Variants in MESP1 observed in about 807,000 individuals in gnomAD.
MESP1 encodes mesoderm posterior bHLH transcription factor 1.
Under a neutral mutation model 15.2 loss-of-function variants are expected in MESP1, and 22 were observed. That is an observed-to-expected ratio of 1.45 (90% CI 1.04 to 2.07). The LOEUF is 2.07. MESP1 is among the 30% of genes most tolerant of loss of function. The pLI is 0.00. For missense variants in MESP1, 484 were observed against 411.9 expected, an observed-to-expected ratio of 1.17 and a Z score of -1.51; for synonymous variants, 216 against 192.6, an observed-to-expected ratio of 1.12 and a Z score of -1.01.
chr15:89,735,348 CT>C, the MESP1 span: 1 of 700,698 alleles, frequency 1.4e-6, no homozygotes, highest in Non-Finnish European at 2.4e-6. Flanking sequence ...TTGGATTGTT[CT>C]TAATTTTTTG....
At chr15:89,737,579 A>T in the MESP1 span, 3 of 1,614,080 alleles carry the variant, frequency 1.9e-6, no homozygotes, top group African/African-American at 4.0e-5. Flanking sequence ...CCAGGTGCTC[A>T]TCTTTTCCAA....
Position 89,749,894 on chromosome 15 carries a change from T to G in MESP1, c.*250A>C. 1.9e-6 allele frequency: 1 copy of G among 514,942 alleles called. No homozygotes were observed. The highest frequency in any genetic ancestry group is 3.5e-6 in the Non-Finnish European group (1 of 283,130). The allele number at this position is 514,942 out of a possible 1,614,324, so 31.9% of individuals were successfully genotyped here. A position where few individuals can be genotyped will look rare whatever the true frequency, so the allele number is the denominator to read the frequency against. ...GCCAACTGACACCAGTACAGTTTAT[T>G]CACAAATAAATAAATTCACATTAGG... is the stretch of plus-strand genomic sequence containing the variant. On this transcript the variant is annotated 3_prime_UTR_variant, in exon 2 of 2. Coordinates refer to ENST00000300057, the MANE Select transcript of MESP1 (RefSeq NM_018670.4).
At chr15:89,735,443 T>G in the MESP1 span, 2 of 1,596,062 alleles carry the variant, frequency 1.3e-6, no homozygotes, top group Non-Finnish European at 1.7e-6. Flanking sequence ...ATCAAAACTT[T>G]TAAACTCTTA....
At chr15:89,743,284 G>A in the MESP1 span, 2 of 1,614,066 alleles carry the variant, frequency 1.2e-6, no homozygotes, top group Non-Finnish European at 1.7e-6. Context: ...CAGTTGTGTG[G>A]CCCTCAGCTA....
the MESP1 span, among the ~76,000 whole-genome samples, chr15:89,740,203 T>A: frequency 6.6e-6 from 1 of 152,166 alleles, no homozygotes; most frequent in Non-Finnish European, 1.5e-5. Context: ...CTAATCCAAG[T>A]TCATGCCTGG....
Position 89,750,868 on chromosome 15 carries a change from T to C in MESP1, c.364A>G (p.Lys122Glu). Residue 122 changes from lysine to glutamate, a missense_variant, in exon 1 of 2, where the codon AAG becomes GAG. Coordinates refer to ENST00000300057, the MANE Select transcript of MESP1 (RefSeq NM_018670.4). ...ATAGCCAGGCGCAGCGTCTCGATCTTGGTCAGGCTCTGGCCCGCGGGCGCC... is the reference window on the plus strand; with the variant it reads ...ATAGCCAGGCGCAGCGTCTCGATCTCGGTCAGGCTCTGGCCCGCGGGCGCC... ...SVAPAGQSLT[K>E]IETLRLAIRY... 3.9e-6 allele frequency: 6 copies of C among 1,527,902 alleles called. No individual in the cohort carries two copies. Among genetic ancestry groups the C allele is most frequent in the South Asian group, 2.4e-5 (2 of 83,446 alleles). The allele number at this position is 1,527,902 out of a possible 1,614,324, so 94.6% of individuals were successfully genotyped here.
the MESP1 span, chr15:89,743,368 CAG>C: frequency 6.2e-7 from 1 of 1,614,156 alleles, no homozygotes; most frequent in Non-Finnish European, 8.5e-7. Context: ...CTTGTCGCTC[CAG>C]AGAGAGAACT....
At position 89,750,979 on chromosome 15, in the gene MESP1, G is replaced by C; in HGVS notation, c.253C>G (p.Gln85Glu). Reference sequence around the variant, plus strand: ...AGTTTCTCCCGCTCACTGGCGCTCTGCCTCTGCCCGCTGCCCAGGCGGCTG... The same window carrying C: ...AGTTTCTCCCGCTCACTGGCGCTCTCCCTCTGCCCGCTGCCCAGGCGGCTG... ...RSSRLGSGQR[Q>E]SASEREKLRM... Residue 85 changes from glutamine to glutamate, a missense_variant, in exon 1 of 2, where the codon CAG becomes GAG. Physicochemically the swap from Gln to Glu is conservative, Grantham distance 29. Coordinates refer to ENST00000300057, the MANE Select transcript of MESP1 (RefSeq NM_018670.4). 7.1e-7 allele frequency: 1 copy of C among 1,414,460 alleles called. No homozygotes were observed. The highest frequency in any genetic ancestry group is 3.0e-5 in the East Asian group (1 of 32,882). The allele number at this position is 1,414,460 out of a possible 1,614,324, so 87.6% of individuals were successfully genotyped here.
the MESP1 span, chr15:89,737,815 T>A: frequency 6.4e-7 from 1 of 1,558,140 alleles, no homozygotes; most frequent in Non-Finnish European, 8.7e-7. Context: ...TCCGATCTCC[T>A]CCCCACTCTG....
At chr15:89,740,058 G>T in the MESP1 span, among the ~76,000 whole-genome samples, 3 of 152,196 alleles carry the variant, frequency 2.0e-5, no homozygotes, top group African/African-American at 7.2e-5. Context: ...TGAGATGCCA[G>T]GCTGTGTTCT....
downstream of MESP1, among the ~76,000 whole-genome samples, chr15:89,745,806 A>C (rs112663057): frequency 0.017 from 2,533 of 151,954 alleles, 82 homozygotes; most frequent in African/African-American, 0.058. This position sits in a 1 kb window ranked among gnomAD's most constrained non-coding sequence, Gnocchi z 4.8. Context: ...TATGGTTGGA[A>C]CTAGAGCAAG....
chr15:89,737,786 CACAA>C, the MESP1 span: 31 of 1,605,650 alleles, frequency 1.9e-5, no homozygotes, highest in Middle Eastern at 3.3e-4. Flanking sequence ...TTAGTTCTCT[CACAA>C]ACAGAGAGAG....
At chr15:89,739,832 G>A in the MESP1 span, among the ~76,000 whole-genome samples, 1 of 152,046 alleles carries the variant, frequency 6.6e-6, no homozygotes, top group East Asian at 1.9e-4. Context: ...CTTTCTCTGT[G>A]TAGACTCTTT....
chr15:89,746,368 ATCCACACC>A (rs1394223098), downstream of MESP1, among the ~76,000 whole-genome samples: 2 of 112,480 alleles, frequency 1.8e-5, no homozygotes, highest in Admixed American at 8.9e-5. Flanking sequence ...TCCACACAGC[ATCCACACC>A]TCCACACATC....
In MESP1 at chr15:89,750,149, T is replaced by C; in HGVS notation, c.802A>G (p.Lys268Glu). The C allele has an allele frequency of 6.2e-7, 1 of 1,613,778 alleles. No homozygotes were observed. Among genetic ancestry groups the C allele is most frequent in the Non-Finnish European group, 8.5e-7 (1 of 1,179,888 alleles). The change falls in exon 2 of 2, where the codon AAG (lysine) becomes GAG (glutamate). Residue 268 changes from lysine to glutamate, a missense_variant. By Grantham distance (56) the Lys-to-Glu change is moderately conservative (BLOSUM62 1). Coordinates refer to ENST00000300057, the MANE Select transcript of MESP1 (RefSeq NM_018670.4). Reference protein sequence around the residue: ...SPLEWLPEEPK With the variant: ...SPLEWLPEEPE ...ACGGCGTCAGTTGTCCCTTGTCACTTGGGCTCCTCAGGCAGCCACTCCAGA... is the reference window on the plus strand; with the variant it reads ...ACGGCGTCAGTTGTCCCTTGTCACTCGGGCTCCTCAGGCAGCCACTCCAGA...
the MESP1 span, among the ~76,000 whole-genome samples, chr15:89,738,456 G>A: frequency 1.3e-5 from 2 of 151,760 alleles, no homozygotes; most frequent in African/African-American, 2.4e-5. Flanking sequence ...GTGAAACCCC[G>A]TCTCTATTAA....
At chr15:89,732,662 G>T in the MESP1 span, among the ~76,000 whole-genome samples, 1 of 151,330 alleles carries the variant, frequency 6.6e-6, no homozygotes, top group African/African-American at 2.4e-5. Context: ...TGAAACAGCT[G>T]TGCCTCCCCC....
chr15:89,743,742 A>C, the MESP1 span: 1 of 251,064 alleles, frequency 4.0e-6, no homozygotes. Flanking sequence ...GGTGAGGACC[A>C]CTCACCTCCT....
At position 89,751,061 on chromosome 15, in the gene MESP1, C is replaced by A; in HGVS notation, c.171G>T (p.Arg57=). 1.5e-6 allele frequency: 2 copies of A among 1,323,730 alleles called. No homozygotes were observed. The highest frequency in any genetic ancestry group is 2.2e-5 in the South Asian group (1 of 45,474). 82.0% of individuals were successfully genotyped at this position (1,323,730 alleles called of 1,614,324 possible). A position where few individuals can be genotyped will look rare whatever the true frequency, so the allele number is the denominator to read the frequency against. ...CGCGGGGGTCCCGGAGGGTGCCTGGCCGCGCGGGGCTCGCCACGGGGCTGT... is the reference window on the plus strand; with the variant it reads ...CGCGGGGGTCCCGGAGGGTGCCTGGACGCGCGGGGCTCGCCACGGGGCTGT... The part of the protein sequence containing the change: ...PADSPVASPA[R]PGTLRDPRAP... Residue 57 remains arginine (R), a synonymous_variant, in exon 1 of 2, where the codon CGG becomes CGT. Coordinates refer to ENST00000300057, the MANE Select transcript of MESP1 (RefSeq NM_018670.4).
Sources: allele counts gnomAD v4.1 joint callset (sites outside exome capture counted in the v4.1 genomes callset), GRCh38; gene constraint gnomAD v4.1.1; non-coding constraint Gnocchi (gnomAD v3.1); transcripts MANE v1.5; gene names NCBI Gene and HGNC (gene_info 2026-07-23, HGNC 2026-07-21).